The following TVP23C variants were observed in gnomAD, a reference collection of about 807,000 sequenced individuals.
TVP23C encodes Golgi apparatus membrane protein TVP23 homolog C.
TVP23C carries 19 observed loss-of-function variants against 28.7 expected under a neutral mutation model. The observed-to-expected ratio is 0.66, with a 90% confidence interval of 0.46 to 0.97. The LOEUF (loss-of-function observed/expected upper bound fraction) is 0.97. Among genes scored for constraint, TVP23C ranks in the 50% least tolerant of loss-of-function variants. The pLI is 0.00. For synonymous variants in TVP23C, 68 were observed against 81.7 expected (o/e 0.83, Z 0.90); for missense variants, 186 against 241.3 (o/e 0.77, Z 1.52).
chr17:15,541,175 T>C (rs1301258208), intron 5 of TVP23C, among the ~76,000 whole-genome samples: 1 of 152,168 alleles, frequency 6.6e-6, no homozygotes, highest in Admixed American at 6.5e-5. Flanking sequence ...GTGATCCCAC[T>C]AGGATCAATG....
chr17:15,523,044 C>T (rs1982548453), intron 5 of TVP23C, among the ~76,000 whole-genome samples: 1 of 151,986 alleles, frequency 6.6e-6, no homozygotes, highest in African/African-American at 2.4e-5. Flanking sequence ...TAGTCTCGCT[C>T]TGTCGCCCAG....
At chr17:15,504,874 A>C (rs533761173) in intron 5 of TVP23C, among the ~76,000 whole-genome samples, 1 of 152,136 alleles carries the variant, frequency 6.6e-6, no homozygotes, top group Admixed American at 6.5e-5. Flanking sequence ...GTGCATCAAG[A>C]AGGTATTTTC....
At position 15,504,375 on chromosome 17, in the gene TVP23C, C is replaced by T. The variant is rs552628138; in HGVS notation, c.463-1143G>A. ...CAGAAAAGAGAGGCAGAATTGAAGT[C>T]GTGGTCATGGGGCTTTTGCTTCTGG... is the stretch of plus-strand genomic sequence containing the variant. On this transcript the variant is annotated intron_variant, in intron 5 of 5. Transcript: ENST00000225576. Among the ~76,000 whole-genome samples the T allele has an allele frequency of 4.2e-4, 64 of 152,208 alleles. No homozygotes were observed. In the Middle Eastern group the frequency reaches 0.024, roughly 57 times the overall value.
chr17:15,503,583 C>A, intron 5 of TVP23C: 1 of 165,366 alleles, frequency 6.0e-6, no homozygotes, highest in East Asian at 1.7e-4. Flanking sequence ...ATTAGCATGT[C>A]GAAAAATTGG....
chr17:15,535,500 G>A (rs1983118479), downstream of TVP23C, among the ~76,000 whole-genome samples: 1 of 150,850 alleles, frequency 6.6e-6, no homozygotes, highest in African/African-American at 2.4e-5. Flanking sequence ...AAAGCTCCCT[G>A]CCACTCCCTG....
intron 5 of TVP23C, among the ~76,000 whole-genome samples, chr17:15,505,775 G>A (rs12451301): frequency 0.12 from 17,227 of 148,402 alleles, 1,130 homozygotes; most frequent in Middle Eastern, 0.18. Context: ...TGGGCTTGGC[G>A]GGCCCCGCAC....
At chr17:15,523,261 T>A (rs995350872) in intron 5 of TVP23C, among the ~76,000 whole-genome samples, 17 of 151,064 alleles carry the variant, frequency 1.1e-4, no homozygotes, top group African/African-American at 3.9e-4. Flanking sequence ...CACCTCGGCC[T>A]CCCAAAGTTC....
Position 15,560,014 on chromosome 17 carries a change from C to A in TVP23C, c.12+3423G>T, listed in dbSNP as rs544840721. On this transcript the variant is annotated intron_variant, in intron 1 of 5. Transcript: ENST00000518321. The stretch of plus-strand genomic sequence containing the variant: ...CAGGAGGAGGATCCATCATCTGTGT[C>A]AAATGCTACTCATAAGTAAGATGAA... 1.1e-4 allele frequency among the ~76,000 whole-genome samples: 16 copies of A among 149,390 alleles called. 3 individuals are homozygous for A. The highest frequency in any genetic ancestry group is 2.1e-4 in the Non-Finnish European group (14 of 66,758).
At chr17:15,547,393 T>G (rs1368060186) in intron 3 of TVP23C, among the ~76,000 whole-genome samples, 1 of 151,966 alleles carries the variant, frequency 6.6e-6, no homozygotes, top group African/African-American at 2.4e-5. Flanking sequence ...TTACACCTTC[T>G]CTTTTCCCTC....
At chr17:15,513,372 G>A (rs1287009124) in intron 5 of TVP23C, among the ~76,000 whole-genome samples, 2 of 152,166 alleles carry the variant, frequency 1.3e-5, no homozygotes, top group Non-Finnish European at 2.9e-5. Context: ...AACTTTCTAT[G>A]TGAAAACAAT....
chr17:15,505,288 T>C (rs995656217), intron 5 of TVP23C, among the ~76,000 whole-genome samples: 2 of 152,180 alleles, frequency 1.3e-5, no homozygotes, highest in Admixed American at 6.5e-5. Flanking sequence ...CAAGGTGATG[T>C]TGATGAGCCT....
intron 5 of TVP23C, among the ~76,000 whole-genome samples, chr17:15,509,889 A>G (rs1422139025): frequency 1.3e-5 from 2 of 152,198 alleles, no homozygotes; most frequent in African/African-American, 4.8e-5. Context: ...GCAGACTGTA[A>G]GTTCCTTGAA....
At chr17:15,527,526 G>A (rs968728716) in intron 5 of TVP23C, among the ~76,000 whole-genome samples, 1 of 151,990 alleles carries the variant, frequency 6.6e-6, no homozygotes, top group African/African-American at 2.4e-5. Context: ...TTTTCCATCT[G>A]AGCAAGTTAC....
chr17:15,536,118 G>C (rs925103364), downstream of TVP23C, among the ~76,000 whole-genome samples: 11 of 151,632 alleles, frequency 7.3e-5, no homozygotes, highest in Non-Finnish European at 1.0e-4. Context: ...TGAACCCAGA[G>C]GGCAGAGGTT....
intron 5 of TVP23C, among the ~76,000 whole-genome samples, chr17:15,510,978 C>T (rs181767661): frequency 7.1e-5 from 10 of 140,388 alleles, no homozygotes; most frequent in African/African-American, 2.1e-4. Context: ...CGTTTGAACC[C>T]GGGAGGCAGA....
At chr17:15,526,287 A>ATATGCTCCATTGGCTT (rs1982724292) in intron 5 of TVP23C, among the ~76,000 whole-genome samples, 1 of 152,056 alleles carries the variant, frequency 6.6e-6, no homozygotes, top group Non-Finnish European at 1.5e-5. Flanking sequence ...TTCAAATCTG[A>ATATGCTCCATTGGCTT]CATATCTTAA....
At chr17:15,517,067 G>A (rs780997777) in intron 5 of TVP23C, among the ~76,000 whole-genome samples, 1 of 152,208 alleles carries the variant, frequency 6.6e-6, no homozygotes, top group Non-Finnish European at 1.5e-5. Flanking sequence ...CTTTATAAAA[G>A]AGAGTGTCTA....
At chr17:15,513,217 G>C (rs780730411) in intron 5 of TVP23C, among the ~76,000 whole-genome samples, 3 of 152,124 alleles carry the variant, frequency 2.0e-5, no homozygotes, top group Non-Finnish European at 4.4e-5. Flanking sequence ...GACTCAAATG[G>C]CAAGGAGCTT....
chr17:15,557,590 C>T (rs548164814), intron 1 of TVP23C, among the ~76,000 whole-genome samples: 4 of 148,278 alleles, frequency 2.7e-5, no homozygotes, highest in African/African-American at 7.3e-5. Context: ...TGAGCCACCA[C>T]GCCCAACCAA....
Sources: allele counts gnomAD v4.1 joint callset (sites outside exome capture counted in the v4.1 genomes callset), GRCh38; gene constraint gnomAD v4.1.1; transcripts MANE v1.5; gene names NCBI Gene and HGNC (gene_info 2026-07-23, HGNC 2026-07-21).